Variants in CFAP97D2 observed in about 807,000 individuals in gnomAD.
CFAP97D2 encodes CFAP97 domain containing 2.
chr13:114,192,939 A>G (rs957026913), intron 1 of CFAP97D2, among the ~76,000 whole-genome samples: 22 of 152,244 alleles, frequency 1.4e-4, no homozygotes, highest in Non-Finnish European at 2.2e-4. Context: ...GCAATAAAAT[A>G]GAAATTACAA....
Position 114,179,570 on chromosome 13 carries a change from A to T in CFAP97D2, c.90+150A>T. ...ATGACATTTCCTAACAAGATTCATCATCTATGTTGCCATACAATAAAAATC... is the reference window on the plus strand; with the variant it reads ...ATGACATTTCCTAACAAGATTCATCTTCTATGTTGCCATACAATAAAAATC... On this transcript the variant is annotated intron_variant, in intron 1 of 4. Coordinates refer to ENST00000646158, the Ensembl canonical transcript of CFAP97D2. The surrounding 1 kb of genome is among the most constrained non-coding windows in gnomAD (Gnocchi z 4.8). 2.5e-6 allele frequency: 1 copy of T among 394,812 alleles called. No individual in the cohort carries two copies. Among genetic ancestry groups the T allele is most frequent in the Non-Finnish European group, 4.5e-6 (1 of 224,532 alleles). The allele number at this position is 394,812 out of a possible 1,614,324, so 24.5% of individuals were successfully genotyped here.
At chr13:114,182,498 G>T (rs1021863827) in intron 1 of CFAP97D2, among the ~76,000 whole-genome samples, 8 of 151,750 alleles carry the variant, frequency 5.3e-5, no homozygotes, top group African/African-American at 1.9e-4. Context: ...TACCGGTGTC[G>T]GGCTGGGGTA....
At chr13:114,209,137 A>G (rs904362483) in intron 3 of CFAP97D2, among the ~76,000 whole-genome samples, 3 of 152,262 alleles carry the variant, frequency 2.0e-5, no homozygotes, top group Non-Finnish European at 4.4e-5. Context: ...AGAATGGATA[A>G]TAGAGAAACA....
rs774363319 is a variant in CFAP97D2 at position 114,186,659 on chromosome 13, C to T, written c.90+7239C>T. Among the ~76,000 whole-genome samples, 2 of 152,234 alleles carry T rather than the reference C, an allele frequency of 1.3e-5. No homozygotes were observed. Among genetic ancestry groups the T allele is most frequent in the Non-Finnish European group, 2.9e-5 (2 of 68,032 alleles). On this transcript the variant is annotated intron_variant, in intron 1 of 4. Transcript: ENST00000646158. This position sits in a 1 kb window ranked among gnomAD's most constrained non-coding sequence, Gnocchi z 4.3. ...CCCTGCAGTTCCTGGAGCCTCCAAG[C>T]TTCTGGGCACCACTGCATTCCCCAG... is the stretch of plus-strand genomic sequence containing the variant.
intron 3 of CFAP97D2, among the ~76,000 whole-genome samples, chr13:114,201,296 C>T (rs1035171794): frequency 3.3e-5 from 5 of 152,096 alleles, no homozygotes; most frequent in Admixed American, 6.5e-5. Context: ...GTTTTTGTTC[C>T]GGAAGTGCTT....
Position 114,203,758 on chromosome 13 carries a change from G to T in CFAP97D2, c.290+3315G>T, listed in dbSNP as rs1331889706. Among the ~76,000 whole-genome samples, 1 of 152,194 alleles carries T rather than the reference G, an allele frequency of 6.6e-6. No individual in the cohort carries two copies. Among genetic ancestry groups the T allele is most frequent in the Non-Finnish European group, 1.5e-5 (1 of 68,036 alleles). ...GTGGCTTCACCCGTTTCCCCAGTGC[G>T]CATGTGGGCATGTGCAGACAAGGCC... On this transcript the variant is annotated intron_variant, in intron 3 of 4. Coordinates refer to ENST00000646158, the Ensembl canonical transcript of CFAP97D2. The surrounding 1 kb of genome is among the most constrained non-coding windows in gnomAD (Gnocchi z 4.3).
intron 4 of CFAP97D2, among the ~76,000 whole-genome samples, chr13:114,220,291 CTT>C (rs1018639094): frequency 2.0e-5 from 3 of 152,094 alleles, no homozygotes; most frequent in African/African-American, 7.2e-5. Flanking sequence ...GGACACATCA[CTT>C]TACCTTTATA....
At position 114,203,744 on chromosome 13, in the gene CFAP97D2, C is replaced by T. The variant is rs568216368; in HGVS notation, c.290+3301C>T. ...CTCCTCCCCTGCCCGTGGCTTCACC[C>T]GTTTCCCCAGTGCGCATGTGGGCAT... On this transcript the variant is annotated intron_variant, in intron 3 of 4. Coordinates refer to ENST00000646158, the Ensembl canonical transcript of CFAP97D2. The surrounding 1 kb of genome is among the most constrained non-coding windows in gnomAD (Gnocchi z 4.3). Among the ~76,000 whole-genome samples the T allele has an allele frequency of 3.3e-4, 50 of 152,372 alleles. 3 individuals are homozygous for T. The South Asian group carries it at 0.01, about 31-fold the overall frequency.
At chr13:114,192,878 A>G (rs952984270) in intron 1 of CFAP97D2, among the ~76,000 whole-genome samples, 1 of 152,202 alleles carries the variant, frequency 6.6e-6, no homozygotes. Context: ...GGTTCCATAG[A>G]GGCAGAAAAT....
In CFAP97D2 at chr13:114,187,248, G is replaced by A. The variant is rs2080855559; in HGVS notation, c.90+7828G>A. On this transcript the variant is annotated intron_variant, in intron 1 of 4. Transcript: ENST00000646158. The surrounding 1 kb of genome is among the most constrained non-coding windows in gnomAD (Gnocchi z 4.2). The stretch of plus-strand genomic sequence containing the variant: ...AAAATGCTCAATTAAAACCACAAAA[G>A]GCAGAAAAGACAAAAATAACAAATA... Among the ~76,000 whole-genome samples the A allele has an allele frequency of 6.6e-6, 1 of 151,342 alleles. No homozygotes were observed. The highest frequency in any genetic ancestry group is 1.5e-5 in the Non-Finnish European group (1 of 67,886).
intron 1 of CFAP97D2, among the ~76,000 whole-genome samples, chr13:114,182,216 AC>A (rs59490206): frequency 0.084 from 12,510 of 148,168 alleles, 1,086 homozygotes; most frequent in East Asian, 0.28. Context: ...AAGGGAAGGT[AC>A]TATGCCTGGA....
intron 3 of CFAP97D2, among the ~76,000 whole-genome samples, chr13:114,202,009 C>T (rs1280004303): frequency 6.6e-6 from 1 of 152,226 alleles, no homozygotes; most frequent in Non-Finnish European, 1.5e-5. Context: ...CCCAGGTTTC[C>T]CTGAGCCTTT....
rs184024355 is a variant in CFAP97D2, at chr13:114,219,906, G to A, written c.481-2592G>A. Reference sequence around the variant, plus strand: ...GGGCCCAGGGCCATAGGGTACCTCAGTCTTCAGTCCCCTTCTCTGCCATGG... The same window carrying A: ...GGGCCCAGGGCCATAGGGTACCTCAATCTTCAGTCCCCTTCTCTGCCATGG... On this transcript the variant is annotated intron_variant, in intron 4 of 4. Coordinates refer to ENST00000646158, the Ensembl canonical transcript of CFAP97D2. Among the ~76,000 whole-genome samples, 447 of 152,036 alleles carry A rather than the reference G, an allele frequency of 2.9e-3. 3 individuals carry two copies. Among genetic ancestry groups the A allele is most frequent in the Admixed American group, 4.5e-3 (69 of 15,262 alleles).
chr13:114,182,515 G>A (rs2080839342), intron 1 of CFAP97D2, among the ~76,000 whole-genome samples: 1 of 151,742 alleles, frequency 6.6e-6, no homozygotes, highest in South Asian at 2.1e-4. Flanking sequence ...GGTACAGTCA[G>A]GTCTTTCTCA....
At chr13:114,213,368 C>G (rs2080977308) in intron 4 of CFAP97D2, among the ~76,000 whole-genome samples, 1 of 149,856 alleles carries the variant, frequency 6.7e-6, no homozygotes, top group Admixed American at 6.6e-5. Flanking sequence ...TGAACCCCAC[C>G]CCTGCACAAG....
At chr13:114,197,601 A>G (rs1297267102) in intron 2 of CFAP97D2, among the ~76,000 whole-genome samples, 2 of 152,042 alleles carry the variant, frequency 1.3e-5, no homozygotes, top group Admixed American at 6.6e-5. Flanking sequence ...TCACAGTGAC[A>G]ATTTATTCAG....
In CFAP97D2 at chr13:114,219,241, A is replaced by C. The variant is rs566777077; in HGVS notation, c.481-3257A>C. Among the ~76,000 whole-genome samples the C allele has an allele frequency of 3.3e-5, 5 of 152,366 alleles. 1 individual carries two copies. Among genetic ancestry groups the C allele is most frequent in the Admixed American group, 1.3e-4 (2 of 15,304 alleles). The stretch of plus-strand genomic sequence containing the variant: ...TATATTGTCTCATAAACAGAATAGC[A>C]TAATTTTGCATTTTAACCTAGTCCC... On this transcript the variant is annotated intron_variant, in intron 4 of 4. Transcript: ENST00000646158.
Position 114,185,034 on chromosome 13 carries a change from G to A in CFAP97D2, c.90+5614G>A, listed in dbSNP as rs11841744. On this transcript the variant is annotated intron_variant, in intron 1 of 4. Transcript: ENST00000646158. The surrounding 1 kb of genome is among the most constrained non-coding windows in gnomAD (Gnocchi z 5.2). Reference sequence around the variant, plus strand: ...GGGTGGGGGGTGGTGCATGGGTGGTGGTGGTGGAAGCAGCTGCAGGAGTGG... The same window carrying A: ...GGGTGGGGGGTGGTGCATGGGTGGTAGTGGTGGAAGCAGCTGCAGGAGTGG... 9.2e-3 allele frequency among the ~76,000 whole-genome samples: 1,402 copies of A among 152,278 alleles called. 14 individuals are homozygous for A. Among genetic ancestry groups the A allele is most frequent in the African/African-American group, 0.031 (1,306 of 41,534 alleles).
chr13:114,216,464 C>T (rs530037704), intron 4 of CFAP97D2, among the ~76,000 whole-genome samples: 12 of 152,144 alleles, frequency 7.9e-5, no homozygotes, highest in South Asian at 2.1e-4. Flanking sequence ...CGACAGGCCC[C>T]GGTGTGTGAC....
Sources: allele counts gnomAD v4.1 joint callset (sites outside exome capture counted in the v4.1 genomes callset), GRCh38; gene constraint gnomAD v4.1.1; non-coding constraint Gnocchi (gnomAD v3.1); transcripts MANE v1.5; gene names NCBI Gene and HGNC (gene_info 2026-07-23, HGNC 2026-07-21).